The following TYR variants were observed in gnomAD, a reference collection of about 807,000 sequenced individuals.
TYR encodes the protein LB24-AB.
TYR carries 58 observed loss-of-function variants against 51.5 expected under a neutral mutation model. That is an observed-to-expected ratio of 1.13 (90% CI 0.91 to 1.40). TYR has a LOEUF of 1.40. Ranked by LOEUF, TYR falls within the 40% of genes most tolerant of loss-of-function variation. The pLI, the probability that TYR is intolerant of heterozygous loss-of-function variation, is 0.00. For synonymous variants in TYR, 263 were observed against 235.2 expected (o/e 1.12, Z -1.08); for missense variants, 732 against 647.4 (o/e 1.13, Z -1.42).
At chr11:89,204,540 G>A (rs1385026158) in intron 2 of TYR, among the ~76,000 whole-genome samples, 2 of 151,732 alleles carry the variant, frequency 1.3e-5, no homozygotes, top group African/African-American at 4.8e-5. Context: ...GATTGCAGGT[G>A]CCCACCAACA....
chr11:89,277,514 T>A (rs1187763667), intron 3 of TYR, among the ~76,000 whole-genome samples: 1 of 151,754 alleles, frequency 6.6e-6, no homozygotes, highest in African/African-American at 2.4e-5. Context: ...CTTCTCAATT[T>A]GTGTTTCCAA....
At chr11:89,228,042 A>C (rs1348077400) in intron 3 of TYR, 72 bp downstream of exon 3, 2 of 1,569,752 alleles carry the variant, frequency 1.3e-6, no homozygotes, top group Non-Finnish European at 1.7e-6. Context: ...AATGTGATTT[A>C]AGTTATTAAA....
intron 3 of TYR, among the ~76,000 whole-genome samples, chr11:89,262,091 T>G (rs1490363099): frequency 1.3e-5 from 2 of 152,048 alleles, no homozygotes; most frequent in Admixed American, 6.6e-5. Context: ...GGAGTCTCAC[T>G]CTTGTTGTCC....
intron 3 of TYR, among the ~76,000 whole-genome samples, chr11:89,245,825 G>C (rs1194369050): frequency 6.6e-6 from 1 of 152,074 alleles, no homozygotes; most frequent in Non-Finnish European, 1.5e-5. Context: ...GGGAGGCTGA[G>C]GCAGGAGAAT....
chr11:89,256,821 G>A (rs1410327300), intron 3 of TYR, among the ~76,000 whole-genome samples: 1 of 151,820 alleles, frequency 6.6e-6, no homozygotes, highest in Non-Finnish European at 1.5e-5. Context: ...GACATTGAAG[G>A]AGGAGCCTCA....
intron 4 of TYR, among the ~76,000 whole-genome samples, chr11:89,293,593 A>T (rs1322246157): frequency 6.6e-6 from 1 of 152,178 alleles, no homozygotes; most frequent in East Asian, 1.9e-4. Flanking sequence ...TTGATGAAAA[A>T]AAAACACACA....
At chr11:89,191,546 C>G (rs1943446615) in intron 2 of TYR, 128 bp downstream of exon 2, 1 of 862,014 alleles carries the variant, frequency 1.2e-6, no homozygotes, top group African/African-American at 1.7e-5. Flanking sequence ...GTTGTATATA[C>G]TTATATCGAC....
intron 3 of TYR, among the ~76,000 whole-genome samples, chr11:89,247,255 T>C (rs1944278775): frequency 6.6e-6 from 1 of 152,210 alleles, no homozygotes; most frequent in Non-Finnish European, 1.5e-5. Flanking sequence ...AGCATCTATG[T>C]ATCGATCATT....
At chr11:89,195,047 G>C (rs997861451) in intron 2 of TYR, among the ~76,000 whole-genome samples, 1 of 152,166 alleles carries the variant, frequency 6.6e-6, no homozygotes, top group Non-Finnish European at 1.5e-5. Flanking sequence ...GGGATGTGGG[G>C]TGTCTTGGTC....
intron 3 of TYR, among the ~76,000 whole-genome samples, chr11:89,250,587 T>G (rs1944319080): frequency 6.6e-6 from 1 of 151,914 alleles, no homozygotes; most frequent in Non-Finnish European, 1.5e-5. Flanking sequence ...GGACTAGAAA[T>G]CCAAGATCAA....
At chr11:89,213,736 A>C (rs1043045783) in intron 2 of TYR, among the ~76,000 whole-genome samples, 11 of 152,192 alleles carry the variant, frequency 7.2e-5, no homozygotes, top group African/African-American at 2.7e-4. Context: ...ACTGGTACCA[A>C]AACAGATATA....
chr11:89,182,428 A>AAT (rs1440327012), intron 1 of TYR, among the ~76,000 whole-genome samples: 2 of 152,122 alleles, frequency 1.3e-5, no homozygotes, highest in Admixed American at 1.3e-4. Flanking sequence ...ATTTGGGTAT[A>AAT]ATATATCTTG....
chr11:89,228,273 G>C (rs960916879), intron 3 of TYR, among the ~76,000 whole-genome samples: 1 of 152,152 alleles, frequency 6.6e-6, no homozygotes, highest in Non-Finnish European at 1.5e-5. Context: ...AGAAGGTAAA[G>C]TATACCCTAG....
chr11:89,284,605 A>G (rs548693588), intron 3 of TYR, among the ~76,000 whole-genome samples, 168 bp from the exon 4 acceptor site: 2 of 152,064 alleles, frequency 1.3e-5, no homozygotes, highest in South Asian at 2.1e-4. Context: ...TCAAGGCCTG[A>G]AAGAATAAAC....
chr11:89,187,537 T>G (rs1480833439), intron 1 of TYR, among the ~76,000 whole-genome samples: 1 of 152,054 alleles, frequency 6.6e-6, no homozygotes, highest in Non-Finnish European at 1.5e-5. Context: ...ATGACTAGAG[T>G]GCCTTTATGT....
At chr11:89,271,709 T>C (rs1349620312) in intron 3 of TYR, among the ~76,000 whole-genome samples, 2 of 151,950 alleles carry the variant, frequency 1.3e-5, no homozygotes, top group Admixed American at 1.3e-4. Context: ...TGTGATGCTG[T>C]TTGATAGCAT....
intron 1 of TYR, among the ~76,000 whole-genome samples, chr11:89,185,804 T>G (rs142719422): frequency 6.6e-6 from 1 of 152,326 alleles, no homozygotes; most frequent in African/African-American, 2.4e-5. Context: ...CATTCATTTA[T>G]GTACCACTAA....
intron 3 of TYR, among the ~76,000 whole-genome samples, chr11:89,245,388 C>T (rs1319071600): frequency 1.3e-5 from 2 of 152,128 alleles, no homozygotes; most frequent in African/African-American, 4.8e-5. Context: ...GTACTAAATA[C>T]TGTTTCATAA....
chr11:89,242,822 T>C (rs578086468), intron 3 of TYR, among the ~76,000 whole-genome samples: 1 of 152,310 alleles, frequency 6.6e-6, no homozygotes, highest in Non-Finnish European at 1.5e-5. Flanking sequence ...TCAGAAGTTA[T>C]AGAAATCAAA....
Sources: allele counts gnomAD v4.1 joint callset (sites outside exome capture counted in the v4.1 genomes callset), GRCh38; gene constraint gnomAD v4.1.1; transcripts MANE v1.5; gene names NCBI Gene and HGNC (gene_info 2026-07-23, HGNC 2026-07-21).